The following TOX3 variants were observed in gnomAD, a reference collection of about 807,000 sequenced individuals.
TOX3 encodes CAG trinucleotide repeat-containing gene F9 protein.
TOX3 carries 22 observed loss-of-function variants against 64.3 expected under a neutral mutation model. That is an observed-to-expected ratio of 0.34 (90% CI 0.24 to 0.49). The LOEUF (loss-of-function observed/expected upper bound fraction) is 0.49, where lower values mean the gene tolerates loss of function less well. Among genes scored for constraint, TOX3 ranks in the 20% least tolerant of loss-of-function variants. TOX3 has a pLI of 0.99. For missense variants in TOX3, 661 were observed against 714.4 expected (o/e 0.93, Z 0.85); for synonymous variants, 291 against 273.6 (o/e 1.06, Z -0.63).
chr16:52,439,176 C>G lies in TOX3; in HGVS notation c.*49G>C, dbSNP rs1408578187. On this transcript the variant is annotated 3_prime_UTR_variant, in exon 7 of 7. Transcript: ENST00000219746. ...GTTTCAGCCACATATGCTTTTCCCT[C>G]CTATGCCACTCTCCTTGGTATACGC... 4 of 1,611,882 alleles carry G rather than the reference C, an allele frequency of 2.5e-6. No individual in the cohort carries two copies. In the African/African-American group the frequency reaches 5.3e-5, roughly 22 times the overall value.
intron 3 of TOX3, among the ~76,000 whole-genome samples, chr16:52,456,341 A>T (rs931698334): frequency 6.6e-6 from 1 of 152,232 alleles, no homozygotes. Context: ...GTTTCGAAGA[A>T]TACCCAAAGA....
intron 1 of TOX3, among the ~76,000 whole-genome samples, chr16:52,510,714 C>T (rs1364422311): frequency 6.9e-6 from 1 of 144,636 alleles, no homozygotes; most frequent in Non-Finnish European, 1.5e-5. Context: ...CGAGATGGGA[C>T]CACTGCACTC....
intron 1 of TOX3, among the ~76,000 whole-genome samples, chr16:52,471,285 A>G (rs150269189): frequency 6.6e-6 from 1 of 152,240 alleles, no homozygotes; most frequent in Non-Finnish European, 1.5e-5. Context: ...TTTTCATTTG[A>G]TTACCTTACC....
intron 1 of TOX3, among the ~76,000 whole-genome samples, chr16:52,511,275 C>T (rs749050932): frequency 2.6e-5 from 4 of 152,088 alleles, no homozygotes; most frequent in Admixed American, 6.6e-5. Context: ...GGGTGGATCA[C>T]GAGGTCAGGA....
intron 4 of TOX3, among the ~76,000 whole-genome samples, chr16:52,447,766 G>A (rs1051038537): frequency 6.6e-6 from 1 of 152,112 alleles, no homozygotes; most frequent in African/African-American, 2.4e-5. Context: ...ATGCCTTTCA[G>A]TTAGAGCTTC....
chr16:52,450,824 GGAAGGAAGGAA>G (rs1960320811), intron 3 of TOX3, among the ~76,000 whole-genome samples: 1 of 62,644 alleles, frequency 1.6e-5, no homozygotes, highest in African/African-American at 5.0e-5. Flanking sequence ...AAGGAAGGAA[GGAAGGAAGGAA>G]GGAAGGAAGG....
Position 52,491,744 on chromosome 16 carries a change from T to G in TOX3, c.88-23170A>C, listed in dbSNP as rs570182968. On this transcript the variant is annotated intron_variant, in intron 1 of 6. Transcript: ENST00000219746. ...TGATGCTAAATATGTATTTTCTGCATAGATGAAGAAATGACCCCCTGAGGT... is the reference window on the plus strand; with the variant it reads ...TGATGCTAAATATGTATTTTCTGCAGAGATGAAGAAATGACCCCCTGAGGT... 1.2e-4 allele frequency among the ~76,000 whole-genome samples: 19 copies of G among 152,294 alleles called. No homozygotes were observed. The South Asian group carries it at 3.9e-3, about 32-fold the overall frequency.
At chr16:52,508,684 A>G (rs968673633) in intron 1 of TOX3, among the ~76,000 whole-genome samples, 1 of 152,202 alleles carries the variant, frequency 6.6e-6, no homozygotes, top group African/African-American at 2.4e-5. Context: ...AATTCAGGAA[A>G]GTGACTATCT....
rs79081377 is a variant in TOX3 at position 52,508,460 on chromosome 16, G to A, written c.87+38177C>T. Reference sequence around the variant, plus strand: ...TCAGACCATGGAATACTGTACAGTGGCAAACCAAAAGAAAGACACCTGCAT... The same window carrying A: ...TCAGACCATGGAATACTGTACAGTGACAAACCAAAAGAAAGACACCTGCAT... On this transcript the variant is annotated intron_variant, in intron 1 of 6. Transcript: ENST00000219746. Among the ~76,000 whole-genome samples the A allele has an allele frequency of 2.1e-3, 313 of 152,212 alleles. 6 individuals are homozygous for A. In the East Asian group the frequency reaches 0.029, roughly 14 times the overall value.
intron 1 of TOX3, chr16:52,519,420 T>C: frequency 1.3e-6 from 2 of 1,551,438 alleles, no homozygotes; most frequent in South Asian, 1.2e-5. Context: ...AGATAGGTAG[T>C]TATCAGGTAA....
At chr16:52,473,130 A>C (rs1961097919) in intron 1 of TOX3, among the ~76,000 whole-genome samples, 1 of 152,166 alleles carries the variant, frequency 6.6e-6, no homozygotes, top group African/African-American at 2.4e-5. Flanking sequence ...GCCAAAGTAA[A>C]TTAATGTGGA....
chr16:52,532,779 A>T (rs1170923913), intron 1 of TOX3, among the ~76,000 whole-genome samples: 3 of 152,222 alleles, frequency 2.0e-5, no homozygotes, highest in Non-Finnish European at 4.4e-5. Flanking sequence ...AGCTGTAGAC[A>T]AGACAACAGG....
intron 1 of TOX3, among the ~76,000 whole-genome samples, chr16:52,483,519 G>A (rs1961421293): frequency 6.6e-6 from 1 of 151,014 alleles, no homozygotes; most frequent in Non-Finnish European, 1.5e-5. Flanking sequence ...ATTCACCGTT[G>A]GGTAAAATGG....
At chr16:52,444,393 A>G in intron 5 of TOX3, 37 bp from the exon 6 acceptor site, 1 of 1,484,256 alleles carries the variant, frequency 6.7e-7, no homozygotes, top group Middle Eastern at 1.7e-4. Flanking sequence ...CCTTTAGCGT[A>G]TAAATTCTCA....
At chr16:52,473,866 A>G (rs1188478865) in intron 1 of TOX3, among the ~76,000 whole-genome samples, 2 of 151,460 alleles carry the variant, frequency 1.3e-5, no homozygotes, top group African/African-American at 4.8e-5. Flanking sequence ...ATATATAATC[A>G]TATATAGTTA....
Position 52,494,267 on chromosome 16 carries a change from T to G in TOX3, c.88-25693A>C, listed in dbSNP as rs551276360. On this transcript the variant is annotated intron_variant, in intron 1 of 6. Coordinates refer to ENST00000219746, the MANE Select transcript of TOX3 (RefSeq NM_001080430.4). ...TACTAGTGCAATGTGAGCAGAAGGA[T>G]GTGTCTCACTTTGGGGCCAAAGCAG... Among the ~76,000 whole-genome samples, 97 of 152,286 alleles carry G rather than the reference T, an allele frequency of 6.4e-4. 1 individual carries two copies. The highest frequency in any genetic ancestry group is 2.3e-3 in the African/African-American group (96 of 41,550).
intron 3 of TOX3, among the ~76,000 whole-genome samples, chr16:52,460,706 T>G (rs1278347999): frequency 7.1e-6 from 1 of 140,950 alleles, no homozygotes; most frequent in Non-Finnish European, 1.6e-5. Context: ...AATTAAGTAC[T>G]TAAGCCAAAT....
At chr16:52,480,063 TAC>T (rs1961324924) in intron 1 of TOX3, among the ~76,000 whole-genome samples, 1 of 152,196 alleles carries the variant, frequency 6.6e-6, no homozygotes, top group Non-Finnish European at 1.5e-5. Context: ...GTCTCCCTGC[TAC>T]AGTCCTTGGG....
chr16:52,489,959 T>G (rs1309533629), intron 1 of TOX3, among the ~76,000 whole-genome samples: 1 of 152,188 alleles, frequency 6.6e-6, no homozygotes, highest in Non-Finnish European at 1.5e-5. Flanking sequence ...ATTTCCTCCC[T>G]TCAAACCCAT....
Sources: gnomAD v4.1 joint callset for allele counts (sites outside exome capture counted in the v4.1 genomes callset) on GRCh38, gnomAD v4.1.1 for gene constraint, MANE v1.5 for transcripts, NCBI Gene and HGNC (gene_info 2026-07-23, HGNC 2026-07-21) for gene names.